GRM7: variants seen among roughly 807,000 people sequenced by gnomAD.
GRM7 encodes metabotropic glutamate receptor 7.
GRM7 carries 35 observed loss-of-function variants against 84.5 expected under a neutral mutation model. The ratio of observed to expected loss-of-function variants is 0.41; its 90% CI spans 0.32 to 0.55. The LOEUF (loss-of-function observed/expected upper bound fraction) is 0.55. GRM7 is among the 20% of genes least tolerant of loss of function. GRM7 has a pLI of 0.19. For missense variants in GRM7, 1,003 were observed against 1,194.6 expected (o/e 0.84, Z 2.36); for synonymous variants, 487 against 455.1 (o/e 1.07, Z -0.89).
At chr3:7,045,282 T>C (rs1324462374) in intron 1 of GRM7, among the ~76,000 whole-genome samples, 2 of 152,180 alleles carry the variant, frequency 1.3e-5, no homozygotes, top group Non-Finnish European at 2.9e-5. Context: ...TGTTGTGGTA[T>C]GGGCATTTTA....
intron 2 of GRM7, among the ~76,000 whole-genome samples, chr3:7,192,093 C>A (rs762713790): frequency 3.9e-5 from 6 of 151,976 alleles, no homozygotes; most frequent in African/African-American, 1.4e-4. Context: ...AATTGTAATG[C>A]GAGCTAAGGC....
chr3:7,417,931 G>C (rs1236993658), intron 5 of GRM7, among the ~76,000 whole-genome samples: 1 of 152,136 alleles, frequency 6.6e-6, no homozygotes, highest in Non-Finnish European at 1.5e-5. Context: ...ACTGAGGTCA[G>C]AGTATAGCAA....
At chr3:7,728,606 T>C (rs73809695) in intron 9 of GRM7, among the ~76,000 whole-genome samples, 7,308 of 152,220 alleles carry the variant, frequency 0.048, 608 homozygotes, top group African/African-American at 0.17. Context: ...CAGGACTATC[T>C]TTATTATCTT....
intron 1 of GRM7, among the ~76,000 whole-genome samples, chr3:6,932,147 T>C (rs1394923349): frequency 6.6e-6 from 1 of 152,212 alleles, no homozygotes; most frequent in African/African-American, 2.4e-5. Context: ...TGTTCTACCA[T>C]TGAAGTTTTA....
intron 8 of GRM7, among the ~76,000 whole-genome samples, chr3:7,629,364 A>C (rs927158031): frequency 1.3e-5 from 2 of 152,190 alleles, no homozygotes; most frequent in African/African-American, 4.8e-5. Flanking sequence ...TGGAAGCTCA[A>C]AATGAGGATG....
chr3:7,123,884 TGGGGTCTCC>T (rs972878819), intron 1 of GRM7, among the ~76,000 whole-genome samples: 2 of 152,236 alleles, frequency 1.3e-5, no homozygotes, highest in African/African-American at 4.8e-5. Context: ...CTCCTGAGTT[TGGGGTCTCC>T]ATTGTGTTCA....
intron 8 of GRM7, among the ~76,000 whole-genome samples, chr3:7,635,457 TTTAA>T (rs1319401024): frequency 2.0e-5 from 3 of 152,212 alleles, no homozygotes; most frequent in South Asian, 4.1e-4. Flanking sequence ...AAATGGCATC[TTTAA>T]TTAACTGTTC....
At position 7,258,021 on chromosome 3, in the gene GRM7, A is replaced by G. The variant is rs566080653; in HGVS notation, c.737-40663A>G. Among the ~76,000 whole-genome samples the G allele has an allele frequency of 4.6e-5, 7 of 152,236 alleles. No individual in the cohort carries two copies. In the South Asian group the frequency reaches 1.5e-3, roughly 32 times the overall value. On this transcript the variant is annotated intron_variant, in intron 2 of 9. Coordinates refer to ENST00000357716, the MANE Select transcript of GRM7 (RefSeq NM_000844.4). ...GCACTTATTCTCATCCTTATACCCCAACTCTAAAAGTGAGGTAGTATTTGC... is the reference window on the plus strand; with the variant it reads ...GCACTTATTCTCATCCTTATACCCCGACTCTAAAAGTGAGGTAGTATTTGC...
At chr3:7,532,125 T>A (rs1472265609) in intron 7 of GRM7, among the ~76,000 whole-genome samples, 3 of 152,202 alleles carry the variant, frequency 2.0e-5, no homozygotes, top group Non-Finnish European at 4.4e-5. Context: ...AGGATGATAC[T>A]GGCCTCATAA....
chr3:7,443,549 C>T (rs916378540), intron 5 of GRM7, among the ~76,000 whole-genome samples: 2 of 151,962 alleles, frequency 1.3e-5, no homozygotes, highest in South Asian at 2.1e-4. Context: ...TTTGTCAAAA[C>T]AGCTTATTAT....
At chr3:7,159,614 A>G (rs572574229) in intron 2 of GRM7, among the ~76,000 whole-genome samples, 67 of 152,260 alleles carry the variant, frequency 4.4e-4, no homozygotes, top group Non-Finnish European at 8.5e-4. Flanking sequence ...ACACCTGAAT[A>G]TGACTATTTC....
chr3:7,629,866 A>G (rs1697787738), intron 8 of GRM7, among the ~76,000 whole-genome samples: 1 of 152,174 alleles, frequency 6.6e-6, no homozygotes, highest in Non-Finnish European at 1.5e-5. Context: ...TTTGAAACCC[A>G]GGAAATTAGC....
intron 2 of GRM7, among the ~76,000 whole-genome samples, chr3:7,208,630 G>A (rs568532310): frequency 6.6e-6 from 1 of 152,140 alleles, no homozygotes; most frequent in African/African-American, 2.4e-5. Flanking sequence ...TGATATCGTA[G>A]TATTATCACG....
intron 2 of GRM7, among the ~76,000 whole-genome samples, chr3:7,204,967 T>C (rs1387507775): frequency 1.3e-5 from 2 of 152,186 alleles, no homozygotes; most frequent in African/African-American, 4.8e-5. Context: ...TGTAAATAAT[T>C]AATAACTAGC....
intron 4 of GRM7, among the ~76,000 whole-genome samples, chr3:7,308,685 C>T (rs1356915922): frequency 1.3e-5 from 2 of 152,232 alleles, no homozygotes; most frequent in African/African-American, 4.8e-5. Context: ...GAAGTTCACT[C>T]AGGTGACTGT....
At chr3:6,991,515 T>C in intron 1 of GRM7, among the ~76,000 whole-genome samples, 1 of 152,088 alleles carries the variant, frequency 6.6e-6, no homozygotes, top group Admixed American at 6.5e-5. Flanking sequence ...ATCACTGAAA[T>C]ACAGCTAAAG....
At position 6,953,574 on chromosome 3, in the gene GRM7, G is replaced by A. The variant is rs141787481; in HGVS notation, c.519+91667G>A. ...CTCTTTCATCCACTCACGCTCTTAA[G>A]GGAGCCTTCTTCTTTTGTATAACTA... On this transcript the variant is annotated intron_variant, in intron 1 of 9. Coordinates refer to ENST00000357716, the MANE Select transcript of GRM7 (RefSeq NM_000844.4). 1.3e-3 allele frequency among the ~76,000 whole-genome samples: 198 copies of A among 152,276 alleles called. 5 individuals are homozygous for A. In the East Asian group the frequency reaches 0.025, roughly 19 times the overall value.
chr3:7,611,464 C>G lies in GRM7; in HGVS notation c.2451+32107C>G, dbSNP rs144662419. Among the ~76,000 whole-genome samples, 441 of 152,254 alleles carry G rather than the reference C, an allele frequency of 2.9e-3. 2 individuals carry two copies. Among genetic ancestry groups the G allele is most frequent in the African/African-American group, 0.01 (423 of 41,550 alleles). Reference sequence around the variant, plus strand: ...TGTCATCCCTCCGTTCTCCCTGTCTCCACTGCTGCCACCTATCATCATCAT... The same window carrying G: ...TGTCATCCCTCCGTTCTCCCTGTCTGCACTGCTGCCACCTATCATCATCAT... On this transcript the variant is annotated intron_variant, in intron 8 of 9. Transcript: ENST00000357716.
At chr3:7,417,924 G>A (rs1265378392) in intron 5 of GRM7, among the ~76,000 whole-genome samples, 12 of 152,086 alleles carry the variant, frequency 7.9e-5, no homozygotes, top group African/African-American at 2.9e-4. Context: ...GCAAATTACT[G>A]AGGTCAGAGT....
Sources: gnomAD v4.1 joint callset for allele counts (sites outside exome capture counted in the v4.1 genomes callset) on GRCh38, gnomAD v4.1.1 for gene constraint, MANE v1.5 for transcripts, NCBI Gene and HGNC (gene_info 2026-07-23, HGNC 2026-07-21) for gene names.